Variants in EYS observed in about 807,000 individuals in gnomAD.
EYS encodes the protein EGF-like photoreceptor maintenance factor.
In EYS, 250 loss-of-function variants were observed where a neutral mutation model predicts 282.1. That is an observed-to-expected ratio of 0.89 (90% CI 0.80 to 0.98). EYS has a LOEUF of 0.98. Among genes scored for constraint, EYS ranks in the 50% least tolerant of loss-of-function variants. The pLI is 0.00. For missense variants in EYS, 4,016 were observed against 3,709.0 expected (o/e 1.08, Z -2.15); for synonymous variants, 1,355 against 1,282.9 (o/e 1.06, Z -1.20).
chr6:65,656,338 A>C (rs935534038), intron 1 of EYS, among the ~76,000 whole-genome samples: 1 of 151,912 alleles, frequency 6.6e-6, no homozygotes, highest in Non-Finnish European at 1.5e-5. Flanking sequence ...GCAGGCTGAA[A>C]GCTGAGATAG....
intron 30 of EYS, among the ~76,000 whole-genome samples, chr6:64,296,178 A>T (rs943892990): frequency 2.6e-5 from 4 of 152,142 alleles, no homozygotes; most frequent in Non-Finnish European, 4.4e-5. Context: ...AAATTATTTG[A>T]AAAGTCTATT....
chr6:65,629,678 C>T (rs570714820), intron 2 of EYS, among the ~76,000 whole-genome samples: 5 of 152,214 alleles, frequency 3.3e-5, no homozygotes, highest in Admixed American at 1.3e-4. Flanking sequence ...TCAAACTCCT[C>T]GAGAAGACGG....
chr6:65,164,622 G>T (rs920477188), intron 12 of EYS, among the ~76,000 whole-genome samples: 1 of 151,156 alleles, frequency 6.6e-6, no homozygotes, highest in Admixed American at 6.6e-5. Flanking sequence ...CACTGTTTTA[G>T]AAAATCTGTA....
At chr6:63,975,402 C>T (rs1562127115) in intron 35 of EYS, among the ~76,000 whole-genome samples, 1 of 151,894 alleles carries the variant, frequency 6.6e-6, no homozygotes, top group Admixed American at 6.6e-5. Flanking sequence ...TTTAATCAGA[C>T]AGATTTAGAT....
chr6:65,471,311 A>C (rs1249889280), intron 5 of EYS, among the ~76,000 whole-genome samples: 2 of 151,444 alleles, frequency 1.3e-5, no homozygotes, highest in African/African-American at 4.9e-5. Flanking sequence ...TGGGAGGATT[A>C]CTTAAGCCCA....
intron 35 of EYS, among the ~76,000 whole-genome samples, chr6:63,961,723 C>T (rs368223549): frequency 4.6e-5 from 7 of 152,094 alleles, no homozygotes; most frequent in Non-Finnish European, 7.4e-5. Flanking sequence ...TAATCCCATC[C>T]GTAATGGTGG....
chr6:65,081,296 A>C (rs1452029676), intron 12 of EYS, among the ~76,000 whole-genome samples: 1 of 152,046 alleles, frequency 6.6e-6, no homozygotes, highest in Non-Finnish European at 1.5e-5. Flanking sequence ...TGACAAAAGC[A>C]AGCTTAGTGG....
chr6:64,014,486 TTAAGA>T (rs1171312076), intron 33 of EYS, among the ~76,000 whole-genome samples: 15 of 152,294 alleles, frequency 9.8e-5, no homozygotes, highest in Middle Eastern at 3.4e-3. Context: ...TATTTTAATG[TTAAGA>T]TATTTATACT....
intron 35 of EYS, among the ~76,000 whole-genome samples, chr6:63,904,671 G>A (rs1288511966): frequency 6.6e-6 from 1 of 152,220 alleles, no homozygotes; most frequent in African/African-American, 2.4e-5. Flanking sequence ...ACTGAGAGGT[G>A]TCTGTCATGA....
intron 1 of EYS, among the ~76,000 whole-genome samples, chr6:65,683,328 A>G (rs1284251614): frequency 6.6e-6 from 1 of 151,922 alleles, no homozygotes; most frequent in East Asian, 1.9e-4. Context: ...AAGATCCACA[A>G]TCTGTCTTTC....
intron 18 of EYS, among the ~76,000 whole-genome samples, chr6:64,888,896 G>T (rs1391589459): frequency 6.6e-6 from 1 of 151,910 alleles, no homozygotes. Context: ...GCAGTGAAAG[G>T]TATCTCAAGA....
intron 1 of EYS, among the ~76,000 whole-genome samples, chr6:65,703,640 T>A: frequency 6.6e-6 from 1 of 151,766 alleles, no homozygotes; most frequent in African/African-American, 2.4e-5. Flanking sequence ...TTATCTATAT[T>A]TACATTGAAG....
chr6:65,353,495 A>G lies in EYS; in HGVS notation c.1422T>C (p.Pro474=), dbSNP rs2150327186. The change falls in exon 9 of 43, where the codon CCT becomes CCC. Residue 474 remains proline (P), a synonymous_variant. Coordinates refer to ENST00000503581, the MANE Select transcript of EYS (RefSeq NM_001142800.2). ...ATTGCCACACATATTCAAATTGAGC[A>G]GGACCTTTATCTTGGCAAATACCAT... ...TFHGICQDKG[P]AQFEYVWQLG... 6.2e-7 allele frequency: 1 copy of G among 1,613,284 alleles called. No homozygotes were observed. The highest frequency in any genetic ancestry group is 8.5e-7 in the Non-Finnish European group (1 of 1,179,498).
At chr6:65,604,182 T>C (rs1765704510) in intron 2 of EYS, among the ~76,000 whole-genome samples, 2 of 151,970 alleles carry the variant, frequency 1.3e-5, no homozygotes, top group Admixed American at 1.3e-4. Context: ...TCATGAACAA[T>C]GTGTTTGTTC....
At chr6:64,671,053 C>A (rs536884686) in intron 22 of EYS, among the ~76,000 whole-genome samples, 24 of 152,296 alleles carry the variant, frequency 1.6e-4, no homozygotes, top group African/African-American at 5.1e-4. Flanking sequence ...ATTTTGCATT[C>A]ATTCCCTCAA....
chr6:63,754,245 A>G (rs1402593912), intron 41 of EYS, among the ~76,000 whole-genome samples: 1 of 152,094 alleles, frequency 6.6e-6, no homozygotes, highest in African/African-American at 2.4e-5. Flanking sequence ...CACAACATGC[A>G]GGTTTGTTAC....
chr6:64,454,683 G>A (rs1775498499), intron 26 of EYS, among the ~76,000 whole-genome samples: 1 of 151,944 alleles, frequency 6.6e-6, no homozygotes, highest in African/African-American at 2.4e-5. Flanking sequence ...CATATGTGGG[G>A]GTTCTACTGG....
At chr6:65,206,404 T>G (rs1296385780) in intron 12 of EYS, among the ~76,000 whole-genome samples, 1 of 151,126 alleles carries the variant, frequency 6.6e-6, no homozygotes, top group Non-Finnish European at 1.5e-5. Flanking sequence ...AAAAAAAAAT[T>G]ATAAAAATAA....
intron 35 of EYS, among the ~76,000 whole-genome samples, chr6:63,892,694 C>G (rs1008062549): frequency 2.0e-5 from 3 of 152,062 alleles, no homozygotes; most frequent in Non-Finnish European, 4.4e-5. Flanking sequence ...ACTGAAACAC[C>G]AAAAGCAATT....
Sources: allele counts gnomAD v4.1 joint callset (sites outside exome capture counted in the v4.1 genomes callset), GRCh38; gene constraint gnomAD v4.1.1; transcripts MANE v1.5; gene names NCBI Gene and HGNC (gene_info 2026-07-23, HGNC 2026-07-21).